The following ADARB2 variants were observed in gnomAD, a reference collection of about 807,000 sequenced individuals.
The protein encoded by ADARB2 is adenosine deaminase RNA specific B2 (inactive).
A neutral mutation model predicts 62.2 loss-of-function variants in ADARB2; 25 were observed. That is an observed-to-expected ratio of 0.40 (90% CI 0.29 to 0.56). The LOEUF is 0.56. Ranked by LOEUF, ADARB2 falls within the 20% of genes least tolerant of loss-of-function variation. The pLI is 0.43. For synonymous variants in ADARB2, 572 were observed against 500.8 expected (o/e 1.14, Z -1.90); for missense variants, 1,071 against 1,077.4 (o/e 0.99, Z 0.08).
At chr10:1,489,663 C>T (rs533829709) in intron 1 of ADARB2, among the ~76,000 whole-genome samples, 6 of 152,198 alleles carry the variant, frequency 3.9e-5, no homozygotes, top group South Asian at 4.1e-4. Flanking sequence ...GAAGACACCA[C>T]GGTTATTTCA....
At chr10:1,324,220 C>T (rs1462288455) in intron 3 of ADARB2, among the ~76,000 whole-genome samples, 1 of 152,194 alleles carries the variant, frequency 6.6e-6, no homozygotes, top group Non-Finnish European at 1.5e-5. Flanking sequence ...CCACACATCA[C>T]GGAATGGCTG....
intron 2 of ADARB2, among the ~76,000 whole-genome samples, chr10:1,365,035 G>T (rs982959530): frequency 6.6e-6 from 1 of 151,968 alleles, no homozygotes; most frequent in Admixed American, 6.6e-5. Flanking sequence ...ACCACGCCTG[G>T]CTAATTTTTG....
chr10:1,390,335 C>T (rs1415468308), intron 1 of ADARB2, among the ~76,000 whole-genome samples: 2 of 152,176 alleles, frequency 1.3e-5, no homozygotes, highest in Non-Finnish European at 2.9e-5. Flanking sequence ...CGGAAGTGGG[C>T]TTCTGCTGCT....
intron 1 of ADARB2, among the ~76,000 whole-genome samples, chr10:1,497,085 A>G (rs981253436): frequency 3.9e-5 from 6 of 152,324 alleles, no homozygotes; most frequent in African/African-American, 1.2e-4. Context: ...AATCTCAGGT[A>G]TGCCCCTTAA....
intron 7 of ADARB2, 146 bp from the exon 8 acceptor site, chr10:1,200,293 C>G (rs1262675563): frequency 9.8e-7 from 1 of 1,021,162 alleles, no homozygotes; most frequent in Admixed American, 2.0e-5. Context: ...TGCCCCAGAC[C>G]CAACCCAGCC....
intron 1 of ADARB2, among the ~76,000 whole-genome samples, chr10:1,693,874 T>C (rs1420662868): frequency 6.6e-6 from 1 of 152,230 alleles, no homozygotes; most frequent in East Asian, 1.9e-4. Context: ...TTGTATAGTG[T>C]CTCTTGCAGA....
chr10:1,479,896 G>T (rs1177026142), intron 1 of ADARB2, among the ~76,000 whole-genome samples: 1 of 152,014 alleles, frequency 6.6e-6, no homozygotes, highest in South Asian at 2.1e-4. Flanking sequence ...AGGTTCTTTG[G>T]GGCCCTCCAT....
At chr10:1,639,862 GCAAAA>G (rs894530002) in intron 1 of ADARB2, among the ~76,000 whole-genome samples, 3 of 133,884 alleles carry the variant, frequency 2.2e-5, no homozygotes, top group Admixed American at 8.2e-5. Flanking sequence ...ACAAAACAAA[GCAAAA>G]CAAAACAAAC....
intron 1 of ADARB2, among the ~76,000 whole-genome samples, chr10:1,568,963 G>A (rs1832897503): frequency 6.6e-6 from 1 of 152,136 alleles, no homozygotes; most frequent in African/African-American, 2.4e-5. Flanking sequence ...AAGGATCTGA[G>A]ACAGGAGATG....
intron 1 of ADARB2, among the ~76,000 whole-genome samples, chr10:1,585,363 T>C (rs930131321): frequency 6.6e-6 from 1 of 152,052 alleles, no homozygotes; most frequent in African/African-American, 2.4e-5. Flanking sequence ...TTCCATTTGG[T>C]TCCTAAATAA....
intron 1 of ADARB2, among the ~76,000 whole-genome samples, chr10:1,698,295 A>G (rs1466913635): frequency 6.6e-6 from 1 of 152,174 alleles, no homozygotes; most frequent in East Asian, 1.9e-4. Context: ...GGGACACGGA[A>G]CATTGCCACC....
intron 1 of ADARB2, among the ~76,000 whole-genome samples, chr10:1,695,133 A>G (rs546422900): frequency 2.1e-4 from 32 of 152,296 alleles, no homozygotes; most frequent in Admixed American, 3.9e-4. Flanking sequence ...CGGTTCACTC[A>G]CCACCAGCAG....
chr10:1,294,529 C>T (rs544412631), intron 3 of ADARB2, among the ~76,000 whole-genome samples: 34 of 152,262 alleles, frequency 2.2e-4, no homozygotes, highest in South Asian at 6.2e-4. Context: ...AGCAGCCCCT[C>T]GCGTTGTTTG....
At chr10:1,564,568 AAAAC>A (rs1170940051) in intron 1 of ADARB2, among the ~76,000 whole-genome samples, 17 of 152,116 alleles carry the variant, frequency 1.1e-4, no homozygotes, top group Non-Finnish European at 2.2e-4. Flanking sequence ...TTACAAGAAA[AAAAC>A]AAACAACCCC....
At chr10:1,470,439 C>T (rs1354104256) in intron 1 of ADARB2, among the ~76,000 whole-genome samples, 1 of 152,190 alleles carries the variant, frequency 6.6e-6, no homozygotes, top group African/African-American at 2.4e-5. Context: ...TGGCATCCCA[C>T]GAAATCGCTG....
chr10:1,211,917 T>A (rs868010150), intron 7 of ADARB2, among the ~76,000 whole-genome samples: 1 of 152,274 alleles, frequency 6.6e-6, no homozygotes, highest in Non-Finnish European at 1.5e-5. Flanking sequence ...TAGTTTTTAA[T>A]AATGACTTAT....
At chr10:1,581,213 T>C (rs1171528640) in intron 1 of ADARB2, among the ~76,000 whole-genome samples, 2 of 152,234 alleles carry the variant, frequency 1.3e-5, no homozygotes, top group East Asian at 1.9e-4. Flanking sequence ...CCTCAAACGA[T>C]GTTCAAGGTG....
At chr10:1,360,750 C>T (rs1372094254) in intron 3 of ADARB2, among the ~76,000 whole-genome samples, 3 of 152,204 alleles carry the variant, frequency 2.0e-5, no homozygotes, top group African/African-American at 7.2e-5. Context: ...CTGCGCCCTT[C>T]GTCATCCAGT....
chr10:1,478,314 A>G (rs373663049), intron 1 of ADARB2, among the ~76,000 whole-genome samples: 1 of 152,076 alleles, frequency 6.6e-6, no homozygotes, highest in African/African-American at 2.4e-5. Context: ...CTGTGTCTCA[A>G]CCTGGCGTTG....
Sources: allele counts gnomAD v4.1 joint callset (sites outside exome capture counted in the v4.1 genomes callset), GRCh38; gene constraint gnomAD v4.1.1; transcripts MANE v1.5; gene names NCBI Gene and HGNC (gene_info 2026-07-23, HGNC 2026-07-21).